XPO1: variants seen among roughly 807,000 people sequenced by gnomAD.
XPO1 encodes exportin 1, also known as exportin-1.
In XPO1, 5 loss-of-function variants were observed where a neutral mutation model predicts 133.3. That is an observed-to-expected ratio of 0.04 (90% confidence interval 0.02 to 0.08). The LOEUF (loss-of-function observed/expected upper bound fraction) is 0.08. Ranked by LOEUF, XPO1 falls within the 10% of genes least tolerant of loss-of-function variation. The pLI is 1.00. For synonymous variants in XPO1, 419 were observed against 408.2 expected (o/e 1.03, Z -0.32); for missense variants, 506 against 1,267.5 (o/e 0.40, Z 9.12).
rs776292850 is a variant in XPO1 at position 61,478,978 on chromosome 2, G to C, written c.3070-12C>G. The C allele has an allele frequency of 1.2e-6, 2 of 1,609,192 alleles. No homozygotes were observed. The highest frequency in any genetic ancestry group is 8.5e-7 in the Non-Finnish European group (1 of 1,178,320). On this transcript the variant is annotated splice_polypyrimidine_tract_variant and intron_variant, in intron 24 of 24. Coordinates refer to ENST00000401558, the MANE Select transcript of XPO1 (RefSeq NM_003400.4). The stretch of plus-strand genomic sequence containing the variant: ...TCACCTGCAAATTCCTGTGAAAACA[G>C]ATAGTTGAAATGTCAACGCAATAAA...
chr2:61,522,533 T>C, intron 4 of XPO1, 78 bp downstream of exon 4: 3 of 1,219,800 alleles, frequency 2.5e-6, no homozygotes, highest in South Asian at 2.5e-5. Context: ...ATTCATTACA[T>C]GCCCCCTCAA....
intron 17 of XPO1, among the ~76,000 whole-genome samples, chr2:61,489,488 T>A (rs1317922346): frequency 6.6e-6 from 1 of 151,684 alleles, no homozygotes; most frequent in Non-Finnish European, 1.5e-5. Context: ...ATATTTATAA[T>A]CCCAAATGGT....
chr2:61,531,368 T>C (rs1228644901), intron 2 of XPO1, among the ~76,000 whole-genome samples: 1 of 152,206 alleles, frequency 6.6e-6, no homozygotes, highest in Non-Finnish European at 1.5e-5. Flanking sequence ...AACAAAAAAA[T>C]TTAGAAACAC....
At chr2:61,483,794 T>C in intron 21 of XPO1, 143 bp downstream of exon 21, 1 of 924,304 alleles carries the variant, frequency 1.1e-6, no homozygotes, top group Non-Finnish European at 1.6e-6. Flanking sequence ...TTGATTAAAC[T>C]GCTTATAGGA....
chr2:61,503,265 CT>C (rs1163826130), intron 4 of XPO1, among the ~76,000 whole-genome samples: 3 of 150,566 alleles, frequency 2.0e-5, no homozygotes, highest in East Asian at 2.0e-4. Flanking sequence ...CCTTTTCTTT[CT>C]TTTTTTTGGA....
intron 7 of XPO1, 51 bp downstream of exon 7, chr2:61,499,662 G>A: frequency 6.8e-7 from 1 of 1,479,052 alleles, no homozygotes; most frequent in South Asian, 1.3e-5. Context: ...CAAACTGCTT[G>A]AAATTGTTTG....
At chr2:61,504,293 ATCT>A (rs1697688832) in intron 4 of XPO1, among the ~76,000 whole-genome samples, 1 of 152,236 alleles carries the variant, frequency 6.6e-6, no homozygotes, top group South Asian at 2.1e-4. Flanking sequence ...TTTGCTGAGC[ATCT>A]ACTATAGGTT....
chr2:61,527,512 C>T (rs1698959316), intron 2 of XPO1, among the ~76,000 whole-genome samples: 1 of 151,980 alleles, frequency 6.6e-6, no homozygotes, highest in African/African-American at 2.4e-5. Flanking sequence ...AAAAGCACAC[C>T]TACTTAGGTA....
At chr2:61,490,842 G>GC (rs1696944625) in intron 16 of XPO1, 66 bp from the exon 17 acceptor site, 1 of 1,566,656 alleles carries the variant, frequency 6.4e-7, no homozygotes, top group South Asian at 1.1e-5. Flanking sequence ...CCACACACAA[G>GC]CAATTCACAA....
intron 12 of XPO1, chr2:61,493,669 C>A: frequency 2.2e-6 from 1 of 455,698 alleles, no homozygotes; most frequent in South Asian, 3.1e-5. Context: ...AATGAATTTG[C>A]CTAACGAAAT....
intron 6 of XPO1, among the ~76,000 whole-genome samples, chr2:61,500,447 C>T (rs529213974): frequency 3.3e-5 from 5 of 151,686 alleles, no homozygotes; most frequent in African/African-American, 4.8e-5. Flanking sequence ...GGCATGGTGA[C>T]GTGTGCCTGT....
chr2:61,480,012 C>G (rs1696261163), intron 24 of XPO1, among the ~76,000 whole-genome samples: 1 of 152,040 alleles, frequency 6.6e-6, no homozygotes, highest in Non-Finnish European at 1.5e-5. Flanking sequence ...CTACAGGCAC[C>G]TGCCACCAGA....
At chr2:61,535,570 T>C (rs959802832) in intron 1 of XPO1, among the ~76,000 whole-genome samples, 2 of 152,222 alleles carry the variant, frequency 1.3e-5, no homozygotes, top group Non-Finnish European at 2.9e-5. Flanking sequence ...GGCAGCAAAT[T>C]CTATTTTAAT....
chr2:61,522,616 C>T lies in XPO1; in HGVS notation c.296G>A (p.Cys99Tyr). 6.2e-7 allele frequency: 1 copy of T among 1,613,632 alleles called. No individual in the cohort carries two copies. Among genetic ancestry groups the T allele is most frequent in the Non-Finnish European group, 8.5e-7 (1 of 1,179,668 alleles). Residue 99 changes from cysteine (C) to tyrosine (Y), a missense_variant, in exon 4 of 25, where the codon TGC becomes TAC. Cys to Tyr is a radical substitution (Grantham distance 194). Coordinates refer to ENST00000401558, the MANE Select transcript of XPO1 (RefSeq NM_003400.4). ...ATAATTCTTTATTTTCCTACCTTCG[C>T]ACTGGTTCCTTGGAAGAATCTTCCA... ...TRWKILPRNQ[C>Y]EGIKKYVVGL...
intron 2 of XPO1, among the ~76,000 whole-genome samples, chr2:61,529,282 G>A (rs1329715318): frequency 6.6e-6 from 1 of 152,194 alleles, no homozygotes; most frequent in Non-Finnish European, 1.5e-5. Context: ...CAAAAACAGG[G>A]TAGGAAGCAC....
chr2:61,494,831 A>AT (rs1553406229), intron 11 of XPO1: 161 of 147,914 alleles, frequency 1.1e-3, no homozygotes, highest in African/African-American at 3.3e-3. Flanking sequence ...TATATATATA[A>AT]AGAGAGAGAG....
intron 21 of XPO1, chr2:61,483,721 A>G: frequency 1.0e-5 from 5 of 499,596 alleles, no homozygotes; most frequent in South Asian, 9.5e-5. Flanking sequence ...ACCAATTATT[A>G]CTAGGCCGCT....
intron 21 of XPO1, chr2:61,483,440 A>G (rs975403569): frequency 2.9e-5 from 6 of 209,652 alleles, no homozygotes; most frequent in African/African-American, 1.2e-4. Context: ...AAGACTACAC[A>G]TAAAGTAGAG....
Position 61,490,672 on chromosome 2 carries a change from C to T in XPO1, c.1992G>A (p.Val664=), listed in dbSNP as rs751825911. ...IEKYMLLPNQ[V]WDSIIQQATK... is the part of the protein sequence containing the mutation. ...TTGCCTGCTGGATTATACTATCCCA[C>T]ACTTGATTAGGGAGTAACATGTACT... Residue 664 remains valine, a synonymous_variant, in exon 17 of 25, where the codon GTG becomes GTA. Coordinates refer to ENST00000401558, the MANE Select transcript of XPO1 (RefSeq NM_003400.4). The T allele has an allele frequency of 1.9e-6, 3 of 1,614,150 alleles. No homozygotes were observed. The highest frequency in any genetic ancestry group is 2.5e-6 in the Non-Finnish European group (3 of 1,180,014).
Sources: gnomAD v4.1 joint callset for allele counts (sites outside exome capture counted in the v4.1 genomes callset) on GRCh38, gnomAD v4.1.1 for gene constraint, MANE v1.5 for transcripts, NCBI Gene and HGNC (gene_info 2026-07-23, HGNC 2026-07-21) for gene names.